PLCE1: variants seen among roughly 807,000 people sequenced by gnomAD.
PLCE1 encodes phospholipase C epsilon 1, also known as 1-phosphatidylinositol 4,5-bisphosphate phosphodiesterase epsilon-1.
A neutral mutation model predicts 242.8 loss-of-function variants in PLCE1; 119 were observed. That is an observed-to-expected ratio of 0.49 (90% CI 0.42 to 0.57). The LOEUF is 0.57. Among genes scored for constraint, PLCE1 ranks in the 20% least tolerant of loss-of-function variants. PLCE1 has a pLI of 0.00. For missense variants in PLCE1, 2,441 were observed against 2,788.8 expected, an observed-to-expected ratio of 0.88 and a Z score of 2.81; for synonymous variants, 945 against 1,017.4, an observed-to-expected ratio of 0.93 and a Z score of 1.35.
At chr10:94,023,245 T>C (rs1309085272) in intron 1 of PLCE1, among the ~76,000 whole-genome samples, 1 of 152,126 alleles carries the variant, frequency 6.6e-6, no homozygotes. Flanking sequence ...ATTCAATAAA[T>C]TGCACAAAAT....
At chr10:94,173,117 G>T (rs1264795010) in intron 4 of PLCE1, among the ~76,000 whole-genome samples, 1 of 152,194 alleles carries the variant, frequency 6.6e-6, no homozygotes, top group Non-Finnish European at 1.5e-5. Context: ...AGAAACTGAA[G>T]TATGTGGAGA....
At chr10:94,054,016 A>G (rs1339520520) in intron 2 of PLCE1, among the ~76,000 whole-genome samples, 1 of 152,186 alleles carries the variant, frequency 6.6e-6, no homozygotes, top group Non-Finnish European at 1.5e-5. Flanking sequence ...GAAATTATCC[A>G]ATCATCAAGG....
Position 94,146,594 on chromosome 10 carries a change from G to A in PLCE1, c.1492+14135G>A, listed in dbSNP as rs368936304. Among the ~76,000 whole-genome samples the A allele has an allele frequency of 1.2e-3, 187 of 152,228 alleles. 3 individuals carry two copies. The highest frequency in any genetic ancestry group is 2.3e-3 in the South Asian group (11 of 4,820). On this transcript the variant is annotated intron_variant, in intron 3 of 32. Transcript: ENST00000371380. ...GGGACATGAAAACCATTAGGGATCC[G>A]TAGCCCTGACTTGAACCAAGCAGAA...
intron 29 of PLCE1, 54 bp downstream of exon 29, chr10:94,316,810 A>G: frequency 7.6e-7 from 1 of 1,311,378 alleles, no homozygotes; most frequent in South Asian, 1.2e-5. Flanking sequence ...GTGATTAGCC[A>G]TTTACCACTC....
intron 30 of PLCE1, among the ~76,000 whole-genome samples, chr10:94,322,793 A>T (rs578189500): frequency 6.6e-6 from 1 of 152,018 alleles, no homozygotes; most frequent in African/African-American, 2.4e-5. Flanking sequence ...CTAAAAAAAA[A>T]AAAAGTACAA....
chr10:94,108,395 T>A (rs1219874655), intron 2 of PLCE1: 1 of 152,276 alleles, frequency 6.6e-6, no homozygotes, highest in East Asian at 1.9e-4. Context: ...CCTTGGGCTG[T>A]GAGTCAGAAG....
chr10:94,002,945 A>G (rs1456322506), intron 1 of PLCE1, among the ~76,000 whole-genome samples: 1 of 152,250 alleles, frequency 6.6e-6, no homozygotes, highest in East Asian at 1.9e-4. Context: ...TTATTTGAGC[A>G]CAAAGCTTGC....
At chr10:94,059,325 T>C (rs889020638) in intron 2 of PLCE1, among the ~76,000 whole-genome samples, 2 of 151,980 alleles carry the variant, frequency 1.3e-5, no homozygotes, top group African/African-American at 4.8e-5. Context: ...GACAACAACA[T>C]GGTGGGAAGA....
At chr10:94,077,079 C>T (rs145180785) in intron 2 of PLCE1, among the ~76,000 whole-genome samples, 132 of 152,278 alleles carry the variant, frequency 8.7e-4, no homozygotes, top group Middle Eastern at 3.4e-3. Flanking sequence ...TATATCTCAT[C>T]GAAATAAAAC....
At chr10:94,132,712 A>T (rs1367029921) in intron 3 of PLCE1, among the ~76,000 whole-genome samples, 1 of 151,530 alleles carries the variant, frequency 6.6e-6, no homozygotes, top group Non-Finnish European at 1.5e-5. Flanking sequence ...GCACTTTGGG[A>T]GGCCAAGGCG....
chr10:94,259,729 A>G (rs185282666), intron 13 of PLCE1, among the ~76,000 whole-genome samples: 7 of 152,186 alleles, frequency 4.6e-5, no homozygotes, highest in Admixed American at 2.0e-4. Context: ...GACAACCAAA[A>G]ACCCTTTCCC....
At chr10:94,209,323 A>G (rs2049261688) in intron 4 of PLCE1, among the ~76,000 whole-genome samples, 1 of 152,248 alleles carries the variant, frequency 6.6e-6, no homozygotes, top group Non-Finnish European at 1.5e-5. Context: ...ATTTTGTTTC[A>G]GATAATACTT....
intron 10 of PLCE1, 133 bp from the exon 11 acceptor site, chr10:94,254,760 G>C (rs377538702): frequency 1.1e-6 from 1 of 925,642 alleles, no homozygotes; most frequent in African/African-American, 1.6e-5. Flanking sequence ...AAGATATTTT[G>C]GTGCTGCTTG....
At chr10:94,132,093 C>T in intron 2 of PLCE1, 81 bp from the exon 3 acceptor site, 1 of 1,371,230 alleles carries the variant, frequency 7.3e-7, no homozygotes, top group Non-Finnish European at 1.0e-6. Context: ...CTTAATAAGT[C>T]ATCTTGGCAT....
chr10:94,001,400 C>T (rs2060927908), intron 1 of PLCE1, among the ~76,000 whole-genome samples: 2 of 152,130 alleles, frequency 1.3e-5, no homozygotes, highest in South Asian at 4.1e-4. Flanking sequence ...AGAGCTATAA[C>T]AAAACTCAGC....
At chr10:94,222,350 C>T (rs534852521) in intron 4 of PLCE1, among the ~76,000 whole-genome samples, 2 of 152,290 alleles carry the variant, frequency 1.3e-5, no homozygotes, top group South Asian at 4.1e-4. Flanking sequence ...TTCATTCATT[C>T]ATTCATTCAT....
At chr10:94,191,475 C>G (rs2048665534) in intron 4 of PLCE1, among the ~76,000 whole-genome samples, 2 of 152,008 alleles carry the variant, frequency 1.3e-5, no homozygotes, top group African/African-American at 4.8e-5. Context: ...GACCCGGTCT[C>G]TACAAATAAT....
At chr10:94,124,315 C>T (rs1364165388) in intron 2 of PLCE1, among the ~76,000 whole-genome samples, 1 of 148,756 alleles carries the variant, frequency 6.7e-6, no homozygotes, top group East Asian at 2.0e-4. Context: ...GAGGTCAAGG[C>T]TGCAGTGAGC....
intron 2 of PLCE1, among the ~76,000 whole-genome samples, chr10:94,121,312 C>T (rs957133652): frequency 2.6e-5 from 4 of 152,172 alleles, no homozygotes; most frequent in African/African-American, 9.7e-5. Context: ...CCACAGAGCC[C>T]AGTCCAGGTA....
Sources: gnomAD v4.1 joint callset for allele counts (sites outside exome capture counted in the v4.1 genomes callset) on GRCh38, gnomAD v4.1.1 for gene constraint, MANE v1.5 for transcripts, NCBI Gene and HGNC (gene_info 2026-07-23, HGNC 2026-07-21) for gene names.